Variants in EDIL3 observed in about 807,000 individuals in gnomAD.
EDIL3 encodes EGF-like repeat and discoidin I-like domain-containing protein 3.
Under a neutral mutation model 67.4 loss-of-function variants are expected in EDIL3, and 37 were observed. The observed-to-expected ratio is 0.55, with a 90% confidence interval of 0.42 to 0.72. The LOEUF (loss-of-function observed/expected upper bound fraction) is 0.72, where lower values mean the gene tolerates loss of function less well. Among genes scored for constraint, EDIL3 ranks in the 30% least tolerant of loss-of-function variants. The probability of loss-of-function intolerance (pLI) is 0.00; values close to 1 mark genes in which losing one functional copy is unlikely to be tolerated. For synonymous variants in EDIL3, 195 were observed against 196.3 expected (o/e 0.99, Z 0.05); for missense variants, 527 against 586.3 (o/e 0.90, Z 1.04).
intron 3 of EDIL3, among the ~76,000 whole-genome samples, chr5:84,194,940 C>G (rs986068732): frequency 6.6e-6 from 1 of 151,918 alleles, no homozygotes; most frequent in Non-Finnish European, 1.5e-5. Flanking sequence ...ACTTTAATAT[C>G]ACTGTCTTTG....
chr5:84,339,898 T>C (rs764649067), intron 1 of EDIL3, among the ~76,000 whole-genome samples: 3 of 152,128 alleles, frequency 2.0e-5, no homozygotes, highest in Non-Finnish European at 2.9e-5. Context: ...TTGAATTTTA[T>C]TCTTGTTCTA....
At chr5:84,288,411 T>TA (rs1006376906) in intron 1 of EDIL3, among the ~76,000 whole-genome samples, 5 of 152,114 alleles carry the variant, frequency 3.3e-5, no homozygotes, top group African/African-American at 9.7e-5. Context: ...GTGATTTTGT[T>TA]AAAAAATGTC....
At chr5:84,079,801 A>G (rs1746929859) in intron 6 of EDIL3, among the ~76,000 whole-genome samples, 1 of 152,060 alleles carries the variant, frequency 6.6e-6, no homozygotes, top group Non-Finnish European at 1.5e-5. Context: ...ATGATCACCT[A>G]AAGTTTCCAG....
chr5:84,218,816 G>A (rs768042392), intron 3 of EDIL3, among the ~76,000 whole-genome samples: 2 of 152,158 alleles, frequency 1.3e-5, no homozygotes, highest in Non-Finnish European at 2.9e-5. Flanking sequence ...GCCATGGGGA[G>A]AGAGTCCACT....
At chr5:83,998,344 A>T (rs1745269156) in intron 9 of EDIL3, among the ~76,000 whole-genome samples, 3 of 152,286 alleles carry the variant, frequency 2.0e-5, no homozygotes, top group African/African-American at 7.2e-5. Flanking sequence ...AACAGAAGGG[A>T]ACTCGCTACG....
At chr5:84,377,179 T>C (rs2112219497) in intron 1 of EDIL3, among the ~76,000 whole-genome samples, 1 of 151,754 alleles carries the variant, frequency 6.6e-6, no homozygotes, top group East Asian at 1.9e-4. Flanking sequence ...ACAGAAAAAT[T>C]AGCCGAGCCT....
At chr5:84,292,139 GTTTGT>G (rs1205155291) in intron 1 of EDIL3, among the ~76,000 whole-genome samples, 3 of 151,748 alleles carry the variant, frequency 2.0e-5, no homozygotes, top group African/African-American at 7.3e-5. Flanking sequence ...CTGTTTTTTT[GTTTGT>G]TTTGTTTTTT....
chr5:83,944,594 T>TGAA (rs1333671907), intron 10 of EDIL3, among the ~76,000 whole-genome samples: 1 of 151,888 alleles, frequency 6.6e-6, no homozygotes, highest in African/African-American at 2.4e-5. Context: ...AGTCTTTATC[T>TGAA]GAAGATTTTA....
At chr5:84,026,411 A>G (rs919076460) in intron 9 of EDIL3, among the ~76,000 whole-genome samples, 1 of 152,082 alleles carries the variant, frequency 6.6e-6, no homozygotes, top group Non-Finnish European at 1.5e-5. Flanking sequence ...TTTCTTTTTT[A>G]TCTTCATAAA....
rs984914275 is a variant in EDIL3 at position 83,968,546 on chromosome 5, C to T, written c.1138-5186G>A. Among the ~76,000 whole-genome samples, 9 of 151,990 alleles carry T rather than the reference C, an allele frequency of 5.9e-5. No individual in the cohort carries two copies. The East Asian group carries it at 1.7e-3, about 30-fold the overall frequency. On this transcript the variant is annotated intron_variant, in intron 9 of 10. Transcript: ENST00000296591. ...TTCACATGTAAAACCATGTACGACA[C>T]ATGTATGGTGCAATAAACAAATGTT... is the stretch of plus-strand genomic sequence containing the variant.
At chr5:84,020,498 C>G (rs1352297716) in intron 9 of EDIL3, among the ~76,000 whole-genome samples, 1 of 152,004 alleles carries the variant, frequency 6.6e-6, no homozygotes, top group Non-Finnish European at 1.5e-5. Flanking sequence ...CCTTTATTGA[C>G]TACTTAATAA....
At chr5:84,230,486 C>A (rs1343631658) in intron 2 of EDIL3, among the ~76,000 whole-genome samples, 2 of 151,806 alleles carry the variant, frequency 1.3e-5, no homozygotes, top group Admixed American at 1.3e-4. Flanking sequence ...CGGCTCACTG[C>A]AACCTCCGCC....
Position 84,295,861 on chromosome 5 carries a change from C to G in EDIL3, c.68-41649G>C, listed in dbSNP as rs139699590. 9.0e-3 allele frequency among the ~76,000 whole-genome samples: 1,375 copies of G among 152,198 alleles called. 12 individuals are homozygous for G. Among genetic ancestry groups the G allele is most frequent in the South Asian group, 0.021 (103 of 4,818 alleles). On this transcript the variant is annotated intron_variant, in intron 1 of 10. Transcript: ENST00000296591. ...CATGTTTTTAATTGATGAACAGTGA[C>G]TCAGGTTGTCAGCAATCATATAGGA... is the stretch of plus-strand genomic sequence containing the variant.
At chr5:84,245,444 T>C (rs1531260) in intron 2 of EDIL3, among the ~76,000 whole-genome samples, 103,611 of 151,916 alleles carry the variant, frequency 0.68, 35,588 homozygotes, top group East Asian at 0.95. Flanking sequence ...CAACACCTTG[T>C]CATAACTGCT....
At chr5:83,983,508 T>C (rs9791029) in intron 9 of EDIL3, among the ~76,000 whole-genome samples, 147,488 of 152,184 alleles carry the variant, frequency 0.97, 71,468 homozygotes, top group East Asian at 1. Context: ...AAAAGATCTC[T>C]TGAGACCAAA....
intron 1 of EDIL3, among the ~76,000 whole-genome samples, chr5:84,365,001 A>G (rs1247290291): frequency 6.7e-6 from 1 of 148,514 alleles, no homozygotes; most frequent in Non-Finnish European, 1.5e-5. Context: ...TCTCTAATGG[A>G]AAGTATTGGG....
chr5:84,051,665 C>T (rs1746341497), intron 9 of EDIL3, among the ~76,000 whole-genome samples: 1 of 152,158 alleles, frequency 6.6e-6, no homozygotes, highest in African/African-American at 2.4e-5. Flanking sequence ...GACAAATGCA[C>T]AAGCTTCACT....
At chr5:84,100,782 T>C (rs1260309885) in intron 6 of EDIL3, among the ~76,000 whole-genome samples, 1 of 152,160 alleles carries the variant, frequency 6.6e-6, no homozygotes, top group Non-Finnish European at 1.5e-5. Flanking sequence ...AGAAATTGTG[T>C]TTGTTTTTCA....
intron 9 of EDIL3, among the ~76,000 whole-genome samples, chr5:84,039,925 G>A (rs1163705660): frequency 1.3e-5 from 2 of 152,098 alleles, no homozygotes; most frequent in African/African-American, 2.4e-5. Flanking sequence ...GCTATATACA[G>A]TTTTACAGGG....
Sources: gnomAD v4.1 joint callset for allele counts (sites outside exome capture counted in the v4.1 genomes callset) on GRCh38, gnomAD v4.1.1 for gene constraint, MANE v1.5 for transcripts, NCBI Gene and HGNC (gene_info 2026-07-23, HGNC 2026-07-21) for gene names.